The following AGO2 variants were observed in gnomAD, a reference collection of about 807,000 sequenced individuals.
AGO2 encodes the protein argonaute RISC catalytic component 2.
A neutral mutation model predicts 102.3 loss-of-function variants in AGO2; 5 were observed. The ratio of observed to expected loss-of-function variants is 0.05; its 90% CI spans 0.03 to 0.10. The LOEUF is 0.10. Ranked by LOEUF, AGO2 falls within the 10% of genes least tolerant of loss-of-function variation. The pLI, the probability that AGO2 is intolerant of heterozygous loss-of-function variation, is 1.00. For synonymous variants in AGO2, 449 were observed against 473.1 expected, an observed-to-expected ratio of 0.95 and a Z score of 0.66; for missense variants, 541 against 1,183.7, an observed-to-expected ratio of 0.46 and a Z score of 7.97.
intron 3 of AGO2, among the ~76,000 whole-genome samples, chr8:140,571,518 T>C (rs970367399): frequency 6.6e-6 from 1 of 152,200 alleles, no homozygotes; most frequent in Non-Finnish European, 1.5e-5. Flanking sequence ...GGAAGAAGAC[T>C]GAACGTCTGT....
chr8:140,629,517 T>C (rs987893121), intron 1 of AGO2, among the ~76,000 whole-genome samples: 3 of 152,058 alleles, frequency 2.0e-5, no homozygotes, highest in South Asian at 2.1e-4. Context: ...CAGACTCCTG[T>C]CTGTCCATCT....
At chr8:140,548,172 C>A (rs763822074) in intron 12 of AGO2, among the ~76,000 whole-genome samples, 1 of 152,010 alleles carries the variant, frequency 6.6e-6, no homozygotes. Flanking sequence ...AAAAATTAGC[C>A]GGGCATGGCA....
In AGO2 at chr8:140,520,290, T is replaced by A. The variant is rs1040914180; in HGVS notation, c.*11754A>T. ...CAGATTTACAGCATTCTGTGCATGT[T>A]AGGGGTTATGTAAGGAGGTGAAAAA... On this transcript the variant is annotated 3_prime_UTR_variant, in exon 19 of 19. Coordinates refer to ENST00000220592, the MANE Select transcript of AGO2 (RefSeq NM_012154.5). 6.6e-6 allele frequency: 1 copy of A among 152,220 alleles called. No individual in the cohort carries two copies. Among genetic ancestry groups the A allele is most frequent in the East Asian group, 1.9e-4 (1 of 5,198 alleles). The allele number at this position is 152,220 out of a possible 1,614,324, so 9.4% of individuals were successfully genotyped here. A position where few individuals can be genotyped will look rare whatever the true frequency, so the allele number is the denominator to read the frequency against.
intron 3 of AGO2, chr8:140,572,605 T>C (rs2073396808): frequency 1.7e-6 from 1 of 598,668 alleles, no homozygotes; most frequent in Admixed American, 3.9e-5. Context: ...TGTCTGGACC[T>C]AGACAAGTTA....
intron 1 of AGO2, among the ~76,000 whole-genome samples, chr8:140,608,294 A>C (rs960940440): frequency 6.6e-6 from 1 of 152,202 alleles, no homozygotes; most frequent in Non-Finnish European, 1.5e-5. Flanking sequence ...TCACATCCCC[A>C]GGGCAGGCAG....
chr8:140,606,174 G>C (rs544005037), intron 1 of AGO2, among the ~76,000 whole-genome samples: 30 of 152,112 alleles, frequency 2.0e-4, no homozygotes, highest in African/African-American at 6.8e-4. Context: ...ATCCTTCCAG[G>C]GCATCGATGA....
chr8:140,545,295 C>T (rs956104785), intron 13 of AGO2, among the ~76,000 whole-genome samples: 18 of 152,176 alleles, frequency 1.2e-4, no homozygotes, highest in African/African-American at 3.4e-4. Flanking sequence ...CCAAGGTCAC[C>T]GATGAGCTCT....
intron 1 of AGO2, among the ~76,000 whole-genome samples, chr8:140,614,864 C>T (rs1334580554): frequency 2.0e-5 from 3 of 152,236 alleles, no homozygotes; most frequent in Admixed American, 1.3e-4. Context: ...ACTGCTGCTG[C>T]TGCTGTTACT....
At chr8:140,553,897 G>A (rs968352640) in intron 10 of AGO2, among the ~76,000 whole-genome samples, 2 of 150,384 alleles carry the variant, frequency 1.3e-5, no homozygotes, top group African/African-American at 4.9e-5. Flanking sequence ...ATAGGGTTTC[G>A]CCATGTTGAC....
intron 17 of AGO2, among the ~76,000 whole-genome samples, chr8:140,533,389 CAA>C (rs371478800): frequency 1.6e-3 from 152 of 96,178 alleles, no homozygotes; most frequent in African/African-American, 2.8e-3. Context: ...ACTCCGTCTC[CAA>C]AAAAAAAAAA....
At position 140,557,838 on chromosome 8, in the gene AGO2, G is replaced by A. The variant is rs958590176; in HGVS notation, c.879-602C>T. Among the ~76,000 whole-genome samples the A allele has an allele frequency of 6.6e-6, 1 of 152,204 alleles. No individual in the cohort carries two copies. The highest frequency in any genetic ancestry group is 1.9e-4 in the East Asian group (1 of 5,202). On this transcript the variant is annotated intron_variant, in intron 7 of 18. Transcript: ENST00000220592. The surrounding 1 kb of genome is among the most constrained non-coding windows in gnomAD (Gnocchi z 5.9). ...ACCCCTTCCCCCAATCCAGACTGCC[G>A]GGCCATCTGCAGCCTCTGCCAGGCC...
chr8:140,572,354 A>T (rs1267726716), intron 3 of AGO2: 1 of 153,100 alleles, frequency 6.5e-6, no homozygotes, highest in Non-Finnish European at 1.5e-5. Context: ...AATTTTCCAT[A>T]GGTCTTCTTG....
At chr8:140,602,334 A>T (rs2073944501) in intron 1 of AGO2, among the ~76,000 whole-genome samples, 1 of 152,240 alleles carries the variant, frequency 6.6e-6, no homozygotes, top group Non-Finnish European at 1.5e-5. Flanking sequence ...TTATAAAGGG[A>T]AAAAACTGTC....
chr8:140,590,559 A>G (rs2073732702), intron 1 of AGO2, among the ~76,000 whole-genome samples: 1 of 152,126 alleles, frequency 6.6e-6, no homozygotes, highest in African/African-American at 2.4e-5. Flanking sequence ...AGGCACAAAC[A>G]TGCCCCACGG....
chr8:140,541,111 A>G (rs1236011646), intron 15 of AGO2, 53 bp downstream of exon 15: 42 of 1,465,724 alleles, frequency 2.9e-5, no homozygotes, highest in Non-Finnish European at 3.6e-5. Context: ...CTGCACAAAC[A>G]GGTGAATTAC....
intron 17 of AGO2, 78 bp from the exon 18 acceptor site, chr8:140,532,693 G>C: frequency 7.0e-7 from 1 of 1,437,046 alleles, no homozygotes; most frequent in South Asian, 1.2e-5. Flanking sequence ...ATTTATATTT[G>C]TATTATTAAA....
In AGO2 at chr8:140,539,179, C is replaced by T; in HGVS notation, c.2169+141G>A. 1 of 1,223,942 alleles carries T rather than the reference C, an allele frequency of 8.2e-7. No individual in the cohort carries two copies. The highest frequency in any genetic ancestry group is 2.5e-5 in the Admixed American group (1 of 40,132). The allele number at this position is 1,223,942 out of a possible 1,614,324, so 75.8% of individuals were successfully genotyped here. The stretch of plus-strand genomic sequence containing the variant: ...TCTCTAGTGTCTAAACCTGGGTCCC[C>T]ATGAAGCCCCTTAGAGGACAGAGTC... On this transcript the variant is annotated intron_variant, in intron 16 of 18. Coordinates refer to ENST00000220592, the MANE Select transcript of AGO2 (RefSeq NM_012154.5). The surrounding 1 kb of genome is among the most constrained non-coding windows in gnomAD (Gnocchi z 4.7).
intron 1 of AGO2, among the ~76,000 whole-genome samples, chr8:140,595,602 AG>A (rs2073814214): frequency 1.0e-5 from 1 of 98,268 alleles, no homozygotes; most frequent in East Asian, 2.3e-4. Context: ...CCATCATGCC[AG>A]GCTATATATA....
chr8:140,612,899 A>G (rs1007163800), intron 1 of AGO2, among the ~76,000 whole-genome samples: 1 of 151,810 alleles, frequency 6.6e-6, no homozygotes, highest in Admixed American at 6.6e-5. Flanking sequence ...TTATACTTCA[A>G]CCAAAACAAC....
Sources: allele counts gnomAD v4.1 joint callset (sites outside exome capture counted in the v4.1 genomes callset), GRCh38; gene constraint gnomAD v4.1.1; non-coding constraint Gnocchi (gnomAD v3.1); transcripts MANE v1.5; gene names NCBI Gene and HGNC (gene_info 2026-07-23, HGNC 2026-07-21).